The following CSMD1 variants were observed in gnomAD, a reference collection of about 807,000 sequenced individuals.
The protein encoded by CSMD1 is CUB and Sushi multiple domains 1.
CSMD1 carries 213 observed loss-of-function variants against 417.5 expected under a neutral mutation model. The observed-to-expected ratio is 0.51, with a 90% CI of 0.46 to 0.57. CSMD1 has a LOEUF of 0.57. Ranked by LOEUF, CSMD1 falls within the 20% of genes least tolerant of loss-of-function variation. CSMD1 has a pLI of 0.00. For missense variants in CSMD1, 6,923 were observed against 4,529.7 expected, an observed-to-expected ratio of 1.53 and a Z score of -15.17; for synonymous variants, 2,862 against 1,736.8, an observed-to-expected ratio of 1.65 and a Z score of -16.11.
chr8:4,798,448 G>A (rs1798102312), intron 1 of CSMD1, among the ~76,000 whole-genome samples: 2 of 152,162 alleles, frequency 1.3e-5, no homozygotes, highest in African/African-American at 4.8e-5. Flanking sequence ...AAAAGGAGAT[G>A]AGATTTTGCA....
At chr8:3,193,821 G>C (rs1298253971) in intron 33 of CSMD1, among the ~76,000 whole-genome samples, 1 of 152,180 alleles carries the variant, frequency 6.6e-6, no homozygotes, top group African/African-American at 2.4e-5. Flanking sequence ...GTCGGGAAAA[G>C]CCGGAAGCAT....
chr8:3,393,051 T>C (rs997106778), intron 17 of CSMD1, among the ~76,000 whole-genome samples: 1 of 152,212 alleles, frequency 6.6e-6, no homozygotes, highest in Non-Finnish European at 1.5e-5. Context: ...CATTTCCATA[T>C]GTCTCTTCAA....
chr8:3,433,263 C>T (rs1011784664), intron 12 of CSMD1, among the ~76,000 whole-genome samples: 1 of 152,106 alleles, frequency 6.6e-6, no homozygotes, highest in Admixed American at 6.5e-5. Flanking sequence ...CAAAATTCTT[C>T]TAACTTATCT....
At chr8:3,417,329 T>C (rs1813220593) in intron 12 of CSMD1, among the ~76,000 whole-genome samples, 2 of 152,328 alleles carry the variant, frequency 1.3e-5, no homozygotes, top group African/African-American at 4.8e-5. Context: ...TTCTTAAAAA[T>C]AGTGGAAAAC....
intron 3 of CSMD1, among the ~76,000 whole-genome samples, chr8:4,365,423 G>A (rs1294126184): frequency 6.6e-6 from 1 of 151,934 alleles, no homozygotes; most frequent in African/African-American, 2.4e-5. Context: ...CTAACCTCTG[G>A]GGAAAAATAA....
intron 5 of CSMD1, among the ~76,000 whole-genome samples, chr8:3,932,606 A>G (rs568460468): frequency 1.3e-5 from 2 of 150,698 alleles, no homozygotes; most frequent in Non-Finnish European, 3.0e-5. Flanking sequence ...CACAAACAGT[A>G]TCATATTTCA....
At position 4,167,979 on chromosome 8, in the gene CSMD1, A is replaced by G. The variant is rs1395327036; in HGVS notation, c.416-135880T>C. ...CCTATCTCTACTAAAAATACAAAAA[A>G]TTAGCCAGGCGTGGTGGCAGACTCC... On this transcript the variant is annotated intron_variant, in intron 3 of 69. Coordinates refer to ENST00000635120, the MANE Select transcript of CSMD1 (RefSeq NM_033225.6). Among the ~76,000 whole-genome samples, 8 of 151,958 alleles carry G rather than the reference A, an allele frequency of 5.3e-5. No individual in the cohort carries two copies. The East Asian group carries it at 1.2e-3, about 22-fold the overall frequency.
chr8:4,259,630 T>G lies in CSMD1; in HGVS notation c.415+160323A>C, dbSNP rs961626329. On this transcript the variant is annotated intron_variant, in intron 3 of 69. Transcript: ENST00000635120. The stretch of plus-strand genomic sequence containing the variant: ...CAAAACTTTACAAATATAGTCGGAG[T>G]CCTTACCCAAAACAATGCCATTCTT... 2.6e-5 allele frequency among the ~76,000 whole-genome samples: 4 copies of G among 152,030 alleles called. No individual in the cohort carries two copies. In the South Asian group the frequency reaches 8.3e-4, roughly 32 times the overall value.
At chr8:3,758,095 C>A (rs374866891) in intron 5 of CSMD1, among the ~76,000 whole-genome samples, 418 of 152,162 alleles carry the variant, frequency 2.7e-3, no homozygotes, top group African/African-American at 9.3e-3. Context: ...TCCTGAGTAG[C>A]TGGGATTACA....
In CSMD1 at chr8:4,124,343, C is replaced by G. The variant is rs146503767; in HGVS notation, c.416-92244G>C. ...TATCAAGCTGATTCTAAATGAGAAA[C>G]TTTTCTTTACGGATATGAAATGTTT... is the stretch of plus-strand genomic sequence containing the variant. On this transcript the variant is annotated intron_variant, in intron 3 of 69. Coordinates refer to ENST00000635120, the MANE Select transcript of CSMD1 (RefSeq NM_033225.6). 1.0e-3 allele frequency among the ~76,000 whole-genome samples: 158 copies of G among 152,226 alleles called. 2 individuals carry two copies. Among genetic ancestry groups the G allele is most frequent in the African/African-American group, 2.9e-3 (119 of 41,544 alleles).
chr8:4,152,286 A>C (rs947534859), intron 3 of CSMD1, among the ~76,000 whole-genome samples: 1 of 152,210 alleles, frequency 6.6e-6, no homozygotes, highest in African/African-American at 2.4e-5. Flanking sequence ...ACGATGGTTA[A>C]AAATCTACTT....
chr8:4,361,830 C>A (rs984501671), intron 3 of CSMD1, among the ~76,000 whole-genome samples: 1 of 152,078 alleles, frequency 6.6e-6, no homozygotes, highest in Non-Finnish European at 1.5e-5. Context: ...TGCGGGGCGC[C>A]TGTACTCCCA....
chr8:3,401,961 T>A (rs1281494626), intron 15 of CSMD1, among the ~76,000 whole-genome samples: 1 of 152,140 alleles, frequency 6.6e-6, no homozygotes, highest in East Asian at 1.9e-4. Context: ...TCTTTGCTTT[T>A]TTTTTTTGAT....
At chr8:3,944,490 A>T (rs572438992) in intron 5 of CSMD1, among the ~76,000 whole-genome samples, 2 of 152,220 alleles carry the variant, frequency 1.3e-5, no homozygotes, top group African/African-American at 4.8e-5. Context: ...ATGTTGTCAG[A>T]TCACTTTAAC....
chr8:4,413,677 A>G (rs1796773152), intron 3 of CSMD1, among the ~76,000 whole-genome samples: 1 of 152,174 alleles, frequency 6.6e-6, no homozygotes, highest in South Asian at 2.1e-4. Context: ...GGATCCCAAG[A>G]ACTTACCCAG....
intron 10 of CSMD1, among the ~76,000 whole-genome samples, chr8:3,525,145 C>G (rs1247060333): frequency 1.3e-5 from 2 of 152,138 alleles, no homozygotes; most frequent in African/African-American, 2.4e-5. Context: ...TACAGTGAGT[C>G]TTGAGTCTCA....
intron 1 of CSMD1, among the ~76,000 whole-genome samples, chr8:4,925,225 T>TTG (rs953448916): frequency 2.2e-5 from 3 of 137,144 alleles, no homozygotes; most frequent in African/African-American, 8.1e-5. Context: ...GTTTTTTTTT[T>TTG]TTTTTTTTTT....
At chr8:2,986,317 C>T (rs977644080) in intron 54 of CSMD1, among the ~76,000 whole-genome samples, 1 of 152,046 alleles carries the variant, frequency 6.6e-6, no homozygotes, top group Non-Finnish European at 1.5e-5. Flanking sequence ...CTACCACTTC[C>T]TTGATTCTTC....
At chr8:3,087,716 A>C (rs1240725413) in intron 48 of CSMD1, among the ~76,000 whole-genome samples, 1 of 152,224 alleles carries the variant, frequency 6.6e-6, no homozygotes, top group African/African-American at 2.4e-5. Flanking sequence ...CAGCATTCAA[A>C]GTCATCCTGC....
Sources: gnomAD v4.1 joint callset for allele counts (sites outside exome capture counted in the v4.1 genomes callset) on GRCh38, gnomAD v4.1.1 for gene constraint, MANE v1.5 for transcripts, NCBI Gene and HGNC (gene_info 2026-07-23, HGNC 2026-07-21) for gene names.